DCLK1: variants seen among roughly 807,000 people sequenced by gnomAD.
The protein encoded by DCLK1 is doublecortin like kinase 1.
In DCLK1, 16 loss-of-function variants were observed where a neutral mutation model predicts 86.2. The observed-to-expected ratio is 0.19, with a 90% CI of 0.13 to 0.28. The LOEUF (loss-of-function observed/expected upper bound fraction) is 0.28. Ranked by LOEUF, DCLK1 falls within the 10% of genes least tolerant of loss-of-function variation. DCLK1 has a pLI of 1.00. For synonymous variants in DCLK1, 369 were observed against 370.5 expected (o/e 1.00, Z 0.05); for missense variants, 590 against 940.2 (o/e 0.63, Z 4.87).
At chr13:36,032,136 T>C (rs1295664665) in intron 3 of DCLK1, among the ~76,000 whole-genome samples, 1 of 152,082 alleles carries the variant, frequency 6.6e-6, no homozygotes, top group Non-Finnish European at 1.5e-5. Context: ...TTCTTTTCTT[T>C]TTTTTTCTTT....
chr13:35,885,985 T>C (rs998333422), intron 4 of DCLK1, among the ~76,000 whole-genome samples: 5 of 151,092 alleles, frequency 3.3e-5, no homozygotes, highest in African/African-American at 1.2e-4. Flanking sequence ...GGAAAGCTGC[T>C]AGATAAAGGC....
At chr13:35,955,047 C>A (rs963519683) in intron 3 of DCLK1, among the ~76,000 whole-genome samples, 8 of 152,096 alleles carry the variant, frequency 5.3e-5, no homozygotes, top group African/African-American at 1.9e-4. Flanking sequence ...CTGTAGTTGA[C>A]ATGGACATCA....
chr13:35,949,697 T>C (rs1161695114), intron 3 of DCLK1, among the ~76,000 whole-genome samples: 3 of 152,118 alleles, frequency 2.0e-5, no homozygotes, highest in African/African-American at 4.8e-5. Context: ...TGTGGAAAAA[T>C]AACCATCATC....
At chr13:36,105,655 A>G (rs1385489217) in intron 3 of DCLK1, among the ~76,000 whole-genome samples, 3 of 152,232 alleles carry the variant, frequency 2.0e-5, no homozygotes, top group African/African-American at 4.8e-5. Flanking sequence ...TACATAAGCA[A>G]ATTTCCTCAT....
chr13:36,109,947 T>C (rs575370290), intron 3 of DCLK1, among the ~76,000 whole-genome samples: 2 of 152,300 alleles, frequency 1.3e-5, no homozygotes, highest in South Asian at 2.1e-4. Context: ...AATAATCAGC[T>C]GATGGCAAAT....
At chr13:35,824,807 T>C (rs1222436321) in intron 10 of DCLK1, among the ~76,000 whole-genome samples, 1 of 152,188 alleles carries the variant, frequency 6.6e-6, no homozygotes, top group Non-Finnish European at 1.5e-5. Context: ...CCTGTTTAAT[T>C]TCCTGTCTTG....
intron 4 of DCLK1, among the ~76,000 whole-genome samples, chr13:35,908,183 G>GATAA (rs1874791254): frequency 6.8e-6 from 1 of 146,422 alleles, no homozygotes; most frequent in African/African-American, 2.5e-5. Context: ...ATTCAGAACA[G>GATAA]ATAAATTATA....
chr13:36,026,107 T>C (rs1205603786), intron 3 of DCLK1, among the ~76,000 whole-genome samples: 2 of 152,180 alleles, frequency 1.3e-5, no homozygotes, highest in African/African-American at 4.8e-5. Context: ...ACATATATGA[T>C]TACAAATAAA....
At chr13:35,784,907 A>G (rs974295291) in intron 16 of DCLK1, among the ~76,000 whole-genome samples, 12 of 152,030 alleles carry the variant, frequency 7.9e-5, no homozygotes, top group African/African-American at 2.4e-4. Flanking sequence ...TTCCAGGGGA[A>G]CAGTTTTCTC....
rs1276877053 is a variant in DCLK1 at position 35,769,365 on chromosome 13, G to A, written c.*5170C>T. ...AAGTCCCTACGCACCTTTTTAGTATGTATGAGCAAAATACTGTTGAATTTC... is the reference window on the plus strand; with the variant it reads ...AAGTCCCTACGCACCTTTTTAGTATATATGAGCAAAATACTGTTGAATTTC... On this transcript the variant is annotated 3_prime_UTR_variant, in exon 17 of 17. Transcript: ENST00000360631. 6.6e-6 allele frequency: 1 copy of A among 152,136 alleles called. No individual in the cohort carries two copies. The highest frequency in any genetic ancestry group is 1.5e-5 in the Non-Finnish European group (1 of 68,022). The allele number at this position is 152,136 out of a possible 1,614,324, so 9.4% of individuals were successfully genotyped here.
chr13:35,775,654 G>A (rs770862900), intron 16 of DCLK1, among the ~76,000 whole-genome samples: 4 of 152,150 alleles, frequency 2.6e-5, no homozygotes, highest in East Asian at 3.8e-4. Flanking sequence ...AGTTGAAGGC[G>A]TTCTTATTTG....
chr13:36,007,970 C>T (rs1295799390), intron 3 of DCLK1, among the ~76,000 whole-genome samples: 1 of 151,878 alleles, frequency 6.6e-6, no homozygotes, highest in Non-Finnish European at 1.5e-5. Flanking sequence ...TAAAGGCAAT[C>T]CTAAGGAGTA....
intron 3 of DCLK1, among the ~76,000 whole-genome samples, chr13:36,011,106 T>C: frequency 1.1e-5 from 1 of 92,892 alleles, no homozygotes; most frequent in Non-Finnish European, 2.2e-5. Flanking sequence ...GTCTATTTGA[T>C]TCTTCTCTCT....
At position 35,854,450 on chromosome 13, in the gene DCLK1, C is replaced by T; in HGVS notation, c.1035+49G>A. ...ATTTGCTGGCACCTGTACCTGTCTG[C>T]ACCAAGGCTGAGACAGGTCTGAAAC... is the stretch of plus-strand genomic sequence containing the variant. On this transcript the variant is annotated intron_variant, in intron 6 of 16. Coordinates refer to ENST00000360631, the MANE Select transcript of DCLK1 (RefSeq NM_001330071.2). The T allele has an allele frequency of 2.0e-6, 3 of 1,468,470 alleles. No homozygotes were observed. In the South Asian group the frequency reaches 4.0e-5, roughly 20 times the overall value. The allele number at this position is 1,468,470 out of a possible 1,614,324, so 91.0% of individuals were successfully genotyped here. A position where few individuals can be genotyped will look rare whatever the true frequency, so the allele number is the denominator to read the frequency against.
At chr13:35,932,022 C>T (rs977548998) in intron 4 of DCLK1, among the ~76,000 whole-genome samples, 1 of 152,010 alleles carries the variant, frequency 6.6e-6, no homozygotes, top group Non-Finnish European at 1.5e-5. Context: ...CACAGGGTGC[C>T]CAGATTAAAC....
chr13:35,871,277 G>C lies in DCLK1; in HGVS notation c.887C>G (p.Thr296Ser). 6.2e-7 allele frequency: 1 copy of C among 1,614,038 alleles called. No individual in the cohort carries two copies. The change falls in exon 5 of 17, where the codon ACC (threonine) becomes AGC (serine). Residue 296 changes from threonine (T) to serine (S), a missense_variant. By Grantham distance (58) the Thr-to-Ser change is moderately conservative (BLOSUM62 1). Around this residue, in one of 6 missense-constraint regions of DCLK1, gnomAD observed 195 missense variants for 365.1 expected, o/e 0.53. Transcript: ENST00000360631. ...KIASSSRRST[T>S]KSPGPSRRSK... ...ACGCCTGGACGGTCCTGGGCTCTTGGTGGTGCTCCTGCGGGATGATGAAGC... is the reference window on the plus strand; with the variant it reads ...ACGCCTGGACGGTCCTGGGCTCTTGCTGGTGCTCCTGCGGGATGATGAAGC...
intron 4 of DCLK1, among the ~76,000 whole-genome samples, chr13:35,899,360 TGTGTGTGTGAGAGA>T (rs925219244): frequency 8.4e-5 from 8 of 95,118 alleles, no homozygotes; most frequent in South Asian, 9.1e-4. Context: ...TGTGTGTGTG[TGTGTGTGTGAGAGA>T]GAGAGAGAGA....
intron 3 of DCLK1, among the ~76,000 whole-genome samples, chr13:36,105,111 G>A (rs1187324482): frequency 6.6e-6 from 1 of 152,128 alleles, no homozygotes; most frequent in Non-Finnish European, 1.5e-5. Context: ...TAACTGATTT[G>A]CCAGAGGTCA....
intron 3 of DCLK1, among the ~76,000 whole-genome samples, chr13:36,037,782 C>G (rs140220099): frequency 6.6e-6 from 1 of 152,122 alleles, no homozygotes; most frequent in East Asian, 1.9e-4. Flanking sequence ...CCATGCCCGG[C>G]CACCCTGATG....
Sources: allele counts gnomAD v4.1 joint callset (sites outside exome capture counted in the v4.1 genomes callset), GRCh38; gene constraint gnomAD v4.1.1; regional missense constraint gnomAD v4.1.1; transcripts MANE v1.5; gene names NCBI Gene and HGNC (gene_info 2026-07-23, HGNC 2026-07-21).